KANK1: variants seen among roughly 807,000 people sequenced by gnomAD.
KANK1 encodes KN motif and ankyrin repeat domain-containing protein 1.
KANK1 carries 109 observed loss-of-function variants against 106.2 expected under a neutral mutation model. That is an observed-to-expected ratio of 1.03 (90% CI 0.88 to 1.20). KANK1 has a LOEUF of 1.20. Among genes scored for constraint, KANK1 ranks in the 50% most tolerant of loss-of-function variants. The pLI is 0.00. For synonymous variants in KANK1, 873 were observed against 652.2 expected, an observed-to-expected ratio of 1.34 and a Z score of -5.16; for missense variants, 2,399 against 1,710.7, an observed-to-expected ratio of 1.40 and a Z score of -7.10.
intron 2 of KANK1, among the ~76,000 whole-genome samples, chr9:708,155 T>G (rs1467873168): frequency 5.3e-5 from 2 of 37,532 alleles, no homozygotes; most frequent in African/African-American, 1.1e-4. Context: ...TTAATGGAAT[T>G]TCAGACAGTC....
At chr9:552,865 C>G (rs1429789600) in intron 1 of KANK1, among the ~76,000 whole-genome samples, 1 of 152,198 alleles carries the variant, frequency 6.6e-6, no homozygotes, top group African/African-American at 2.4e-5. Flanking sequence ...ATGATTGTGG[C>G]TGGCCGCAGT....
intron 1 of KANK1, among the ~76,000 whole-genome samples, chr9:508,684 A>G (rs1470907029): frequency 6.6e-6 from 1 of 151,312 alleles, no homozygotes; most frequent in Non-Finnish European, 1.5e-5. Context: ...CTTTCTCAAC[A>G]TTATATTTGT....
At chr9:575,094 TGAG>T (rs1554632433) in intron 1 of KANK1, among the ~76,000 whole-genome samples, 1 of 152,140 alleles carries the variant, frequency 6.6e-6, no homozygotes, top group Non-Finnish European at 1.5e-5. Context: ...GCTTGGCAAA[TGAG>T]GAGTCTAGGG....
At chr9:741,565 G>A (rs1835539623) in intron 9 of KANK1, among the ~76,000 whole-genome samples, 1 of 149,478 alleles carries the variant, frequency 6.7e-6, no homozygotes, top group Non-Finnish European at 1.5e-5. Flanking sequence ...TTGGCTCACT[G>A]GAAGCTCTGC....
intron 1 of KANK1, among the ~76,000 whole-genome samples, chr9:618,566 G>A (rs751139119): frequency 1.3e-5 from 2 of 151,860 alleles, no homozygotes; most frequent in East Asian, 1.9e-4. Flanking sequence ...AATACTTATC[G>A]GAACAATTTT....
intron 1 of KANK1, among the ~76,000 whole-genome samples, chr9:649,149 C>T (rs1051127260): frequency 6.6e-6 from 1 of 152,042 alleles, no homozygotes; most frequent in Non-Finnish European, 1.5e-5. Flanking sequence ...ATGTAAGATA[C>T]GTGTTGTATA....
intron 1 of KANK1, among the ~76,000 whole-genome samples, chr9:516,802 T>G (rs2059296680): frequency 6.6e-6 from 1 of 151,690 alleles, no homozygotes; most frequent in African/African-American, 2.4e-5. Flanking sequence ...ATGAAGCTAT[T>G]GATTCACTAG....
At chr9:732,243 T>G in intron 5 of KANK1, 135 bp from the exon 6 acceptor site, 2 of 1,058,802 alleles carry the variant, frequency 1.9e-6, no homozygotes, top group Non-Finnish European at 2.7e-6. Flanking sequence ...GACCTTACTT[T>G]GAACTTCTAA....
intron 1 of KANK1, among the ~76,000 whole-genome samples, chr9:556,390 C>G (rs1250877558): frequency 2.0e-5 from 3 of 152,132 alleles, no homozygotes; most frequent in Non-Finnish European, 4.4e-5. Flanking sequence ...TTGTGCTCTC[C>G]TCTGACTACG....
At chr9:695,254 G>A (rs2139651924) in intron 2 of KANK1, among the ~76,000 whole-genome samples, 1 of 152,306 alleles carries the variant, frequency 6.6e-6, no homozygotes, top group Middle Eastern at 3.4e-3. Flanking sequence ...ACTGTGCCCT[G>A]AGGACTTCGG....
chr9:630,808 C>A lies in KANK1; in HGVS notation c.-83-46082C>A, dbSNP rs1266111351. 1.3e-5 allele frequency among the ~76,000 whole-genome samples: 2 copies of A among 151,976 alleles called. 1 individual carries two copies. Among genetic ancestry groups the A allele is most frequent in the Middle Eastern group, 6.9e-3 (2 of 290 alleles). ...ATCCCAGCTCCTTGGGAGGCTGAGG[C>A]ACGAGAATCACTTGAACCCGGGATG... On this transcript the variant is annotated intron_variant, in intron 1 of 11. Coordinates refer to ENST00000382297, the MANE Select transcript of KANK1 (RefSeq NM_015158.5).
At chr9:574,286 C>T (rs959953076) in intron 1 of KANK1, among the ~76,000 whole-genome samples, 4 of 152,200 alleles carry the variant, frequency 2.6e-5, no homozygotes, top group African/African-American at 9.7e-5. Context: ...AATACCAGAG[C>T]CTGCACTCTG....
At chr9:718,679 T>A (rs994077731) in intron 3 of KANK1, among the ~76,000 whole-genome samples, 2 of 152,088 alleles carry the variant, frequency 1.3e-5, no homozygotes, top group African/African-American at 4.8e-5. Context: ...AGGGTGAGAT[T>A]AGTTTTTCTC....
At chr9:693,661 A>C in intron 2 of KANK1, 1 of 985,392 alleles carries the variant, frequency 1.0e-6, no homozygotes, top group Non-Finnish European at 1.2e-6. Context: ...GTATAAATAA[A>C]TTCTCTGCAA....
chr9:614,260 A>G (rs1445459464), intron 1 of KANK1, among the ~76,000 whole-genome samples: 5 of 152,196 alleles, frequency 3.3e-5, no homozygotes, highest in Non-Finnish European at 5.9e-5. Context: ...TTCGACCCTC[A>G]GTGTTTGTTT....
intron 1 of KANK1, among the ~76,000 whole-genome samples, chr9:665,610 C>A (rs1844389587): frequency 6.6e-6 from 1 of 152,148 alleles, no homozygotes; most frequent in African/African-American, 2.4e-5. Context: ...GTGAGGCCTC[C>A]AGCTTTGCTC....
At chr9:558,069 G>A (rs183931560) in intron 1 of KANK1, among the ~76,000 whole-genome samples, 9 of 152,224 alleles carry the variant, frequency 5.9e-5, no homozygotes, top group Non-Finnish European at 1.2e-4. Context: ...AGTGAAGATC[G>A]GATTAGTCAG....
chr9:524,586 C>T (rs2059697666), intron 1 of KANK1, among the ~76,000 whole-genome samples: 1 of 151,616 alleles, frequency 6.6e-6, no homozygotes, highest in Non-Finnish European at 1.5e-5. Context: ...GCTGCGATCT[C>T]AGCTCACTGC....
At chr9:577,259 C>T (rs907819421) in intron 1 of KANK1, among the ~76,000 whole-genome samples, 2 of 152,186 alleles carry the variant, frequency 1.3e-5, no homozygotes, top group African/African-American at 4.8e-5. Context: ...GTCCATTTTA[C>T]AGAGTGCTGA....
Sources: allele counts gnomAD v4.1 joint callset (sites outside exome capture counted in the v4.1 genomes callset), GRCh38; gene constraint gnomAD v4.1.1; transcripts MANE v1.5; gene names NCBI Gene and HGNC (gene_info 2026-07-23, HGNC 2026-07-21).